The following FBXO17 variants were observed in gnomAD, a reference collection of about 807,000 sequenced individuals.
FBXO17 encodes the protein F-box protein 17, also known as F-box only protein 17.
FBXO17 carries 43 observed loss-of-function variants against 34.1 expected under a neutral mutation model. The observed-to-expected ratio is 1.26, with a 90% CI of 0.99 to 1.62. FBXO17 has a LOEUF of 1.62. FBXO17 is among the 40% of genes most tolerant of loss of function. The pLI is 0.00. For missense variants in FBXO17, 424 were observed against 386.7 expected (o/e 1.10, Z -0.81); for synonymous variants, 169 against 166.0 (o/e 1.02, Z -0.14).
chr19:38,970,307 A>T (rs1298671209), intron 1 of FBXO17, among the ~76,000 whole-genome samples: 1 of 152,030 alleles, frequency 6.6e-6, no homozygotes, highest in African/African-American at 2.4e-5. Context: ...TTCTGGACTA[A>T]ATCGATCCTC....
intron 1 of FBXO17, among the ~76,000 whole-genome samples, chr19:38,953,342 C>T (rs1375635421): frequency 6.6e-6 from 1 of 150,896 alleles, no homozygotes; most frequent in African/African-American, 2.4e-5. Flanking sequence ...AAAAGTGGGG[C>T]TGTAGCTAGA....
At chr19:38,954,978 T>G (rs1975146167) in intron 1 of FBXO17, among the ~76,000 whole-genome samples, 1 of 149,970 alleles carries the variant, frequency 6.7e-6, no homozygotes, top group African/African-American at 2.4e-5. Flanking sequence ...TTGCCCAGCC[T>G]GGAATGCAGT....
chr19:38,958,406 C>CAAAAAAAAAAA (rs61007658), intron 1 of FBXO17, among the ~76,000 whole-genome samples: 3 of 98,722 alleles, frequency 3.0e-5, no homozygotes, highest in East Asian at 2.9e-4. Flanking sequence ...GAAACTGTCT[C>CAAAAAAAAAAA]AAAAAAAAAA....
chr19:38,955,629 G>A (rs1263193748), intron 1 of FBXO17, among the ~76,000 whole-genome samples: 1 of 151,714 alleles, frequency 6.6e-6, no homozygotes, highest in Non-Finnish European at 1.5e-5. Flanking sequence ...GACTACAGGT[G>A]CGTGCCACCA....
intron 1 of FBXO17, among the ~76,000 whole-genome samples, chr19:38,966,665 A>T (rs1394337485): frequency 1.3e-5 from 2 of 152,210 alleles, no homozygotes; most frequent in Non-Finnish European, 2.9e-5. Context: ...AAATGGAAAA[A>T]TTAAAGCTAT....
rs1042748468 is a variant in FBXO17 at position 38,975,326 on chromosome 19, G to A, written c.-18+260C>T. Among the ~76,000 whole-genome samples, 5 of 152,236 alleles carry A rather than the reference G, an allele frequency of 3.3e-5. No homozygotes were observed. The highest frequency in any genetic ancestry group is 1.2e-4 in the African/African-American group (5 of 41,470). On this transcript the variant is annotated intron_variant, in intron 1 of 5. Transcript: ENST00000292852. This position sits in a 1 kb window ranked among gnomAD's most constrained non-coding sequence, Gnocchi z 4.9. ...AGCGCAGGGATGGAGAGGCCTGGGCGTTCGAACACCCACGTTCAAAGCAAA... is the reference window on the plus strand; with the variant it reads ...AGCGCAGGGATGGAGAGGCCTGGGCATTCGAACACCCACGTTCAAAGCAAA...
rs1975064846 is a variant in FBXO17, at chr19:38,950,353, G to T, written c.-17-17C>A. On this transcript the variant is annotated splice_polypyrimidine_tract_variant and intron_variant, in intron 1 of 5. Transcript: ENST00000292852. ...GCCAGAGTCCTGCAGGTCGAGAGGG[G>T]TCGGTAGGCGGGTCAGCGCAGCCAG... 2 of 1,399,912 alleles carry T rather than the reference G, an allele frequency of 1.4e-6. No homozygotes were observed. Among genetic ancestry groups the T allele is most frequent in the South Asian group, 1.6e-5 (1 of 63,114 alleles). 86.7% of individuals were successfully genotyped at this position (1,399,912 alleles called of 1,614,324 possible).
At position 38,963,966 on chromosome 19, in the gene FBXO17, T is replaced by G. The variant is rs201087505; in HGVS notation, c.-18+11620A>C. Among the ~76,000 whole-genome samples the G allele has an allele frequency of 2.2e-4, 34 of 152,160 alleles. 3 individuals carry two copies. In the East Asian group the frequency reaches 6.6e-3, roughly 30 times the overall value. Reference sequence around the variant, plus strand: ...ACCTAGTTAATTTTTGTATTTTTAGTAGAGACAGGGTTTCACCATGTTGGC... The same window carrying G: ...ACCTAGTTAATTTTTGTATTTTTAGGAGAGACAGGGTTTCACCATGTTGGC... On this transcript the variant is annotated intron_variant, in intron 1 of 5. Transcript: ENST00000292852.
At chr19:38,957,038 A>T (rs1975176239) in intron 1 of FBXO17, among the ~76,000 whole-genome samples, 1 of 152,064 alleles carries the variant, frequency 6.6e-6, no homozygotes, top group African/African-American at 2.4e-5. Context: ...CCTACCGCAG[A>T]AAGAATGAAG....
At chr19:38,944,299 A>C (rs547416102) in intron 5 of FBXO17, among the ~76,000 whole-genome samples, 100 of 126,830 alleles carry the variant, frequency 7.9e-4, no homozygotes, top group Admixed American at 5.7e-3. Context: ...TTAGCGTCTC[A>C]GTCTGTTGCC....
chr19:38,950,309 C>T lies in FBXO17; in HGVS notation c.11G>A (p.Arg4Gln), dbSNP rs1218580136. MGA[R>Q]LSRRRLPADP... ...CGCCGGCAGCCGTCGCCGCGATAGC[C>T]GGGCGCCCATCTCCAGTAGCCAGAG... Residue 4 changes from arginine (R) to glutamine (Q), a missense_variant, in exon 2 of 6, where the codon CGG becomes CAG. Arg to Gln is a conservative substitution (Grantham distance 43). Transcript: ENST00000292852. 7.0e-7 allele frequency: 1 copy of T among 1,431,018 alleles called. No homozygotes were observed. Among genetic ancestry groups the T allele is most frequent in the Non-Finnish European group, 9.1e-7 (1 of 1,101,476 alleles). The allele number at this position is 1,431,018 out of a possible 1,614,324, so 88.6% of individuals were successfully genotyped here.
At chr19:38,969,786 C>T (rs149698060) in intron 1 of FBXO17, among the ~76,000 whole-genome samples, 1 of 151,922 alleles carries the variant, frequency 6.6e-6, no homozygotes, top group Non-Finnish European at 1.5e-5. Context: ...TTAGTAGAGA[C>T]AGGGTTTCAC....
intron 1 of FBXO17, among the ~76,000 whole-genome samples, chr19:38,966,385 G>A (rs576873527): frequency 4.6e-5 from 7 of 150,942 alleles, no homozygotes; most frequent in Admixed American, 1.3e-4. Context: ...TGATTCTCCC[G>A]TCTCAGCCTC....
In FBXO17 at chr19:38,949,707, T is replaced by A. The variant is rs144507309; in HGVS notation, c.349+264A>T. The A allele has an allele frequency of 8.7e-6, 5 of 574,196 alleles. No individual in the cohort carries two copies. The East Asian group carries it at 1.5e-4, about 18-fold the overall frequency. 35.6% of individuals were successfully genotyped at this position (574,196 alleles called of 1,614,324 possible). ...CCCCTGTCCTGTTCTGCATCCCCTCTGCATACCAAACTACTTGCTTTCTCC... is the reference window on the plus strand; with the variant it reads ...CCCCTGTCCTGTTCTGCATCCCCTCAGCATACCAAACTACTTGCTTTCTCC... On this transcript the variant is annotated intron_variant, in intron 2 of 5. Transcript: ENST00000292852.
At position 38,945,084 on chromosome 19, in the gene FBXO17, C is replaced by A. The variant is rs1393591083; in HGVS notation, c.578G>T (p.Cys193Phe). 1 of 1,614,200 alleles carries A rather than the reference C, an allele frequency of 6.2e-7. No homozygotes were observed. Among genetic ancestry groups the A allele is most frequent in the Admixed American group, 1.7e-5 (1 of 60,022 alleles). Reference protein sequence around the residue: ...VADWWGARENCGCVYQLRVRL... With the variant: ...VADWWGARENFGCVYQLRVRL... ...GACCCGGAGCTGGTAGACGCAGCCG[C>A]AGTTCTCTCGAGCGCCCCACCTGCC... The change falls in exon 5 of 6, where the codon TGC (cysteine) becomes TTC (phenylalanine). Residue 193 changes from cysteine (C) to phenylalanine (F), a missense_variant. Transcript: ENST00000292852.
chr19:38,956,329 C>T (rs1289277972), intron 1 of FBXO17, among the ~76,000 whole-genome samples: 1 of 151,294 alleles, frequency 6.6e-6, no homozygotes, highest in Non-Finnish European at 1.5e-5. Flanking sequence ...TTGCCTGACA[C>T]AGGCTTATTT....
chr19:38,963,555 A>G (rs1202160639), intron 1 of FBXO17, among the ~76,000 whole-genome samples: 2 of 151,902 alleles, frequency 1.3e-5, no homozygotes, highest in Non-Finnish European at 2.9e-5. Context: ...GGCCTCCCAA[A>G]TTGCTGGGAT....
intron 2 of FBXO17, among the ~76,000 whole-genome samples, chr19:38,949,175 C>T (rs1441282818): frequency 6.6e-6 from 1 of 152,162 alleles, no homozygotes; most frequent in African/African-American, 2.4e-5. Context: ...GATCTCAGCC[C>T]ACTGTAACCT....
chr19:38,964,404 C>T (rs571114611), intron 1 of FBXO17, among the ~76,000 whole-genome samples: 41 of 152,076 alleles, frequency 2.7e-4, no homozygotes, highest in African/African-American at 7.7e-4. Context: ...GGCGTGATCT[C>T]GGCTCACTGC....
Sources: allele counts gnomAD v4.1 joint callset (sites outside exome capture counted in the v4.1 genomes callset), GRCh38; gene constraint gnomAD v4.1.1; non-coding constraint Gnocchi (gnomAD v3.1); transcripts MANE v1.5; gene names NCBI Gene and HGNC (gene_info 2026-07-23, HGNC 2026-07-21).